The following CEP250 variants were observed in gnomAD, a reference collection of about 807,000 sequenced individuals.
CEP250 encodes centrosomal protein 250.
In CEP250, 242 loss-of-function variants were observed where a neutral mutation model predicts 315.7. That is an observed-to-expected ratio of 0.77 (90% CI 0.69 to 0.85). The LOEUF (loss-of-function observed/expected upper bound fraction) is 0.85. Ranked by LOEUF, CEP250 falls within the 40% of genes least tolerant of loss-of-function variation. CEP250 has a pLI of 0.00. For synonymous variants in CEP250, 1,088 were observed against 1,175.0 expected (o/e 0.93, Z 1.51); for missense variants, 2,515 against 2,886.4 (o/e 0.87, Z 2.95).
intron 1 of CEP250, among the ~76,000 whole-genome samples, chr20:35,457,479 T>G (rs1295099729): frequency 6.6e-6 from 1 of 151,992 alleles, no homozygotes; most frequent in Non-Finnish European, 1.5e-5. Context: ...CCCTCCCACC[T>G]TAACTTCCCA....
intron 30 of CEP250, among the ~76,000 whole-genome samples, chr20:35,505,986 A>G (rs1347033008): frequency 6.6e-6 from 1 of 152,188 alleles, no homozygotes; most frequent in Non-Finnish European, 1.5e-5. Context: ...GGAGAGACCC[A>G]CTGGGAGGCT....
At position 35,472,812 on chromosome 20, in the gene CEP250, G is replaced by A. The variant is rs766701871; in HGVS notation, c.1190G>A (p.Arg397Gln). 17 of 1,613,978 alleles carry A rather than the reference G, an allele frequency of 1.1e-5. No homozygotes were observed. Among genetic ancestry groups the A allele is most frequent in the Admixed American group, 3.3e-5 (2 of 59,996 alleles). The change falls in exon 12 of 35, where the codon CGG (arginine) becomes CAG (glutamine). Residue 397 changes from arginine to glutamine, a missense_variant. Arg to Gln is a conservative substitution (Grantham distance 43). Transcript: ENST00000397527. ...ALTLVRSVLT[R>Q]RRQAVQDLRQ... ...ACTCTGGTGCGTTCAGTGCTGACTC[G>A]GAGACGCCAGGCTGTGCAGGTAGGA...
rs1158390817 is a variant in CEP250 at position 35,462,524 on chromosome 20, G to T, written c.157G>T (p.Ala53Ser). 6.2e-7 allele frequency: 1 copy of T among 1,608,410 alleles called. No individual in the cohort carries two copies. The highest frequency in any genetic ancestry group is 1.1e-5 in the South Asian group (1 of 90,078). The change falls in exon 4 of 35, where the codon GCA becomes TCA. Residue 53 changes from alanine to serine, a missense_variant. Transcript: ENST00000397527. ...CTCCCAGGAGGCCCAGCAGAGACAAGCAACCCTTGTGAGGAAGCTGCAGGC... is the reference window on the plus strand; with the variant it reads ...CTCCCAGGAGGCCCAGCAGAGACAATCAACCCTTGTGAGGAAGCTGCAGGC... ...KNSQEAQQRQ[A>S]TLVRKLQAKV...
intron 30 of CEP250, among the ~76,000 whole-genome samples, chr20:35,505,803 G>A (rs2064170700): frequency 6.6e-6 from 1 of 152,058 alleles, no homozygotes; most frequent in African/African-American, 2.4e-5. Context: ...ACAGAGGGAG[G>A]ATTTGGGAAG....
intron 3 of CEP250, among the ~76,000 whole-genome samples, chr20:35,461,509 G>A (rs2062756024): frequency 6.6e-6 from 1 of 152,226 alleles, no homozygotes; most frequent in Admixed American, 6.5e-5. Flanking sequence ...CTCCTGGTGG[G>A]TGAGGGGGTT....
At position 35,515,172 on chromosome 20, in the gene CEP250, T is replaced by C. The variant is rs2064423179; in HGVS notation, c.*3546T>C. 6.6e-6 allele frequency: 1 copy of C among 152,168 alleles called. No homozygotes were observed. Among genetic ancestry groups the C allele is most frequent in the Non-Finnish European group, 1.5e-5 (1 of 68,082 alleles). The allele number at this position is 152,168 out of a possible 1,614,324, so 9.4% of individuals were successfully genotyped here. ...TGACCAGCCGGAATTGGGTTAGGTG[T>C]CCTAGCATTGGTGCCTATGGAGAAG... On this transcript the variant is annotated 3_prime_UTR_variant, in exon 35 of 35. Transcript: ENST00000397527.
chr20:35,487,705 C>T (rs1422909389), intron 20 of CEP250, among the ~76,000 whole-genome samples: 6 of 151,880 alleles, frequency 4.0e-5, no homozygotes, highest in Non-Finnish European at 5.9e-5. Context: ...GAGGCCAAGG[C>T]GAAAGGATCG....
In CEP250 at chr20:35,517,034, A is replaced by G. The variant is rs968464856; in HGVS notation, c.*5408A>G. 7 of 985,408 alleles carry G rather than the reference A, an allele frequency of 7.1e-6. No homozygotes were observed. The highest frequency in any genetic ancestry group is 8.4e-6 in the Non-Finnish European group (7 of 829,980). 61.0% of individuals were successfully genotyped at this position (985,408 alleles called of 1,614,324 possible). ...GACTCAGACACCGGGCACTGAGAAA[A>G]GTGGGAAGCCATGGTCACAGACTCT... is the stretch of plus-strand genomic sequence containing the variant. On this transcript the variant is annotated 3_prime_UTR_variant, in exon 35 of 35. Coordinates refer to ENST00000397527, the MANE Select transcript of CEP250 (RefSeq NM_007186.6).
intron 30 of CEP250, among the ~76,000 whole-genome samples, chr20:35,505,224 A>G (rs2064152701): frequency 6.6e-6 from 1 of 152,238 alleles, no homozygotes; most frequent in African/African-American, 2.4e-5. Flanking sequence ...TTCACAGTCT[A>G]GTGGGTAAAC....
chr20:35,508,045 T>C lies in CEP250; in HGVS notation c.6761T>C (p.Val2254Ala), dbSNP rs774223309. Residue 2254 changes from valine to alanine, a missense_variant, in exon 32 of 35, where the codon GTG becomes GCG. Coordinates refer to ENST00000397527, the MANE Select transcript of CEP250 (RefSeq NM_007186.6). The part of the protein sequence containing the change: ...QGVQLGEVSG[V>A]EAEPSPDGME... ...AGGTCTTTCCCACAGGTCTCAGGAG[T>C]GGAGGCTGAGCCTAGTCCTGATGGA... 1.5e-5 allele frequency: 24 copies of C among 1,613,858 alleles called. No homozygotes were observed. The highest frequency in any genetic ancestry group is 1.9e-5 in the Non-Finnish European group (22 of 1,180,002).
chr20:35,469,216 T>C (rs2062965331), intron 9 of CEP250, among the ~76,000 whole-genome samples: 1 of 152,082 alleles, frequency 6.6e-6, no homozygotes, highest in Non-Finnish European at 1.5e-5. Flanking sequence ...CTTGGGAAGC[T>C]GAGGCAGGAG....
At position 35,479,252 on chromosome 20, in the gene CEP250, G is replaced by A. The variant is rs1471753903; in HGVS notation, c.2116G>A (p.Ala706Thr). The A allele has an allele frequency of 6.2e-7, 1 of 1,613,984 alleles. No individual in the cohort carries two copies. The highest frequency in any genetic ancestry group is 1.1e-5 in the South Asian group (1 of 91,080). Residue 706 changes from alanine to threonine, a missense_variant, in exon 18 of 35, where the codon GCC becomes ACC. Physicochemically the swap from Ala to Thr is moderately conservative, Grantham distance 58. Transcript: ENST00000397527. ...TCAGTCACGTCACCAGCAGGAGGCA[G>A]CCACGACTCAGCTGGAGCAGCTACA... ...LSESRHQQEA[A>T]TTQLEQLHQE...
At chr20:35,467,854 C>T (rs575906497) in intron 9 of CEP250, among the ~76,000 whole-genome samples, 1 of 152,202 alleles carries the variant, frequency 6.6e-6, no homozygotes, top group South Asian at 2.1e-4. Context: ...TTCCCCCTCC[C>T]TGTCTTTGTA....
Position 35,503,019 on chromosome 20 carries a change from G to A in CEP250, c.4650G>A (p.Lys1550=). The A allele has an allele frequency of 6.2e-7, 1 of 1,614,174 alleles. No homozygotes were observed. The highest frequency in any genetic ancestry group is 8.5e-7 in the Non-Finnish European group (1 of 1,180,028). Residue 1550 remains lysine, a synonymous_variant, in exon 30 of 35, where the codon AAG becomes AAA. Coordinates refer to ENST00000397527, the MANE Select transcript of CEP250 (RefSeq NM_007186.6). The surrounding 1 kb of genome is among the most constrained non-coding windows in gnomAD (Gnocchi z 4.2). Reference sequence around the variant, plus strand: ...GAGGACAGGTTCAGGACCTGAAAAAGCAGTTGGTTACTCTGGAATGCCTGG... The same window carrying A: ...GAGGACAGGTTCAGGACCTGAAAAAACAGTTGGTTACTCTGGAATGCCTGG... The part of the protein sequence containing the change: ...SQRGQVQDLK[K]QLVTLECLAL...
At position 35,511,423 on chromosome 20, in the gene CEP250, C is replaced by G. The variant is rs563013303; in HGVS notation, c.7126C>G (p.Arg2376Gly). Residue 2376 changes from arginine (R) to glycine (G), a missense_variant, in exon 35 of 35, where the codon CGC (arginine) becomes GGC (glycine). Physicochemically the swap from Arg to Gly is moderately radical, Grantham distance 125 (BLOSUM62 -2). Transcript: ENST00000397527. ...ERKQKQDYIT[R>G]SAQTSRELAG... ...GAAGCAGAAGCAGGACTACATCACC[C>G]GCTCAGCACAGACCAGCCGTGAGCT... 6.2e-7 allele frequency: 1 copy of G among 1,613,724 alleles called. No individual in the cohort carries two copies. Among genetic ancestry groups the G allele is most frequent in the Non-Finnish European group, 8.5e-7 (1 of 1,179,902 alleles).
intron 17 of CEP250, among the ~76,000 whole-genome samples, chr20:35,478,459 G>A (rs1445162744): frequency 1.3e-5 from 2 of 152,140 alleles, no homozygotes; most frequent in Admixed American, 1.3e-4. Context: ...CAACTACTCG[G>A]GAGGCTGAGG....
intron 18 of CEP250, 35 bp downstream of exon 18, chr20:35,479,459 A>G: frequency 6.9e-6 from 11 of 1,590,464 alleles, no homozygotes; most frequent in Non-Finnish European, 9.4e-6. Context: ...AAGCACAGAG[A>G]GAGCTTTGCA....
rs2063288805 is a variant in CEP250, at chr20:35,479,755, G to A, written c.2398G>A (p.Ala800Thr). Residue 800 changes from alanine to threonine, a missense_variant, in exon 19 of 35, where the codon GCC becomes ACC. Physicochemically the swap from Ala to Thr is moderately conservative, Grantham distance 58 (BLOSUM62 0). Coordinates refer to ENST00000397527, the MANE Select transcript of CEP250 (RefSeq NM_007186.6). ...LEVQIQTVTQ[A>T]KEVIQGEVRC... ...GGTCCAGATTCAAACTGTCACTCAA[G>A]CCAAGGAAGTAATCCAAGGTGAGAA... 6.2e-7 allele frequency: 1 copy of A among 1,614,168 alleles called. No individual in the cohort carries two copies. Among genetic ancestry groups the A allele is most frequent in the Non-Finnish European group, 8.5e-7 (1 of 1,180,034 alleles).
At chr20:35,505,839 C>T (rs1278209917) in intron 30 of CEP250, among the ~76,000 whole-genome samples, 3 of 152,176 alleles carry the variant, frequency 2.0e-5, no homozygotes, top group African/African-American at 7.2e-5. Flanking sequence ...AGGGGCCACA[C>T]CTGTCAGGGC....
Sources: allele counts gnomAD v4.1 joint callset (sites outside exome capture counted in the v4.1 genomes callset), GRCh38; gene constraint gnomAD v4.1.1; non-coding constraint Gnocchi (gnomAD v3.1); transcripts MANE v1.5; gene names NCBI Gene and HGNC (gene_info 2026-07-23, HGNC 2026-07-21).